The following MECR variants were observed in gnomAD, a reference collection of about 807,000 sequenced individuals.
MECR encodes enoyl-[acyl-carrier-protein] reductase, mitochondrial.
Under a neutral mutation model 49.1 loss-of-function variants are expected in MECR, and 37 were observed. The ratio of observed to expected loss-of-function variants is 0.75; its 90% CI spans 0.58 to 0.99. The LOEUF (loss-of-function observed/expected upper bound fraction) is 0.99. Among genes scored for constraint, MECR ranks in the 50% least tolerant of loss-of-function variants. The pLI, the probability that MECR is intolerant of heterozygous loss-of-function variation, is 0.00. For synonymous variants in MECR, 198 were observed against 191.1 expected (o/e 1.04, Z -0.30); for missense variants, 470 against 479.6 (o/e 0.98, Z 0.19).
chr1:29,177,296 T>TG, the MECR span, among the ~76,000 whole-genome samples: 1 of 151,838 alleles, frequency 6.6e-6, no homozygotes, highest in Non-Finnish European at 1.5e-5. Context: ...TTTTTTTTTT[T>TG]TTGAGACGAA....
chr1:29,230,484 G>A, intron 1 of MECR: 1 of 504,600 alleles, frequency 2.0e-6, no homozygotes, highest in Non-Finnish European at 3.5e-6. Flanking sequence ...TTTAAACAAG[G>A]GATTGCCTGA....
At chr1:29,178,164 T>G in the MECR span, among the ~76,000 whole-genome samples, 4 of 152,040 alleles carry the variant, frequency 2.6e-5, no homozygotes, top group South Asian at 4.1e-4. Context: ...CCTCCCAAGG[T>G]GATGGGATTA....
chr1:29,184,331 C>T, the MECR span, among the ~76,000 whole-genome samples: 1 of 151,834 alleles, frequency 6.6e-6, no homozygotes, highest in African/African-American at 2.4e-5. Flanking sequence ...TGTGCCACCA[C>T]GCCTGGCTAA....
intron 7 of MECR, 149 bp downstream of exon 7, chr1:29,200,367 C>G (rs1675017162): frequency 3.0e-6 from 2 of 660,270 alleles, no homozygotes; most frequent in Non-Finnish European, 4.9e-6. Context: ...GCCCAAATAG[C>G]TGGATGACTT....
intron 2 of MECR, 140 bp from the exon 3 acceptor site, chr1:29,216,276 C>T: frequency 9.3e-6 from 9 of 965,224 alleles, no homozygotes; most frequent in Non-Finnish European, 1.4e-5. Flanking sequence ...CCTTAGCTTG[C>T]TTGTCTGTAT....
intron 7 of MECR, among the ~76,000 whole-genome samples, chr1:29,198,944 CAG>C (rs1674659382): frequency 6.6e-6 from 1 of 151,810 alleles, no homozygotes; most frequent in East Asian, 2.0e-4. Context: ...AAGTATAAAA[CAG>C]AGGTTAGAAC....
At chr1:29,181,371 C>A in the MECR span, among the ~76,000 whole-genome samples, 1 of 152,148 alleles carries the variant, frequency 6.6e-6, no homozygotes, top group South Asian at 2.1e-4. Flanking sequence ...GCTGTGCCCC[C>A]CTGCCCGGAG....
At chr1:29,189,631 A>T (rs946270888), downstream of MECR, among the ~76,000 whole-genome samples, 3 of 151,952 alleles carry the variant, frequency 2.0e-5, no homozygotes, top group Non-Finnish European at 2.9e-5. Flanking sequence ...AATGTCGGCA[A>T]CCCCTGGTTG....
chr1:29,181,104 A>G, the MECR span, among the ~76,000 whole-genome samples: 2 of 152,094 alleles, frequency 1.3e-5, no homozygotes, highest in African/African-American at 4.8e-5. Context: ...TCACTAGACT[A>G]CTCAAACTGG....
the MECR span, among the ~76,000 whole-genome samples, chr1:29,178,927 T>C: frequency 6.6e-6 from 1 of 152,236 alleles, no homozygotes; most frequent in African/African-American, 2.4e-5. Flanking sequence ...GTGTGCTGTT[T>C]GGTGACTGTC....
downstream of MECR, among the ~76,000 whole-genome samples, chr1:29,190,387 A>T (rs1673096819): frequency 6.6e-6 from 1 of 151,988 alleles, no homozygotes; most frequent in Non-Finnish European, 1.5e-5. Flanking sequence ...AAAAAACCGT[A>T]GTCAAAGATG....
At chr1:29,216,883 C>T (rs1397289237) in intron 1 of MECR, 198 bp from the exon 2 acceptor site, 1 of 1,312,790 alleles carries the variant, frequency 7.6e-7, no homozygotes, top group East Asian at 2.8e-5. Flanking sequence ...GCCTGTAATC[C>T]CAGCACTTTG....
chr1:29,171,673 G>C, the MECR span: 1 of 151,974 alleles, frequency 6.6e-6, no homozygotes, highest in African/African-American at 2.4e-5. Context: ...CAGATGCCTG[G>C]AGCACCTTTC....
intron 7 of MECR, among the ~76,000 whole-genome samples, chr1:29,196,850 TA>T (rs928526376): frequency 4.0e-5 from 6 of 148,596 alleles, no homozygotes; most frequent in Non-Finnish European, 7.4e-5. Context: ...TAAATAATAA[TA>T]AAAAAAAATT....
chr1:29,220,277 T>TG (rs906825225), intron 1 of MECR, among the ~76,000 whole-genome samples: 1 of 150,644 alleles, frequency 6.6e-6, no homozygotes, highest in Non-Finnish European at 1.5e-5. Context: ...GGTGTGCTCC[T>TG]GTAGTTCCAG....
chr1:29,220,321 A>T (rs1198073219), intron 1 of MECR, among the ~76,000 whole-genome samples: 1 of 152,006 alleles, frequency 6.6e-6, no homozygotes, highest in Non-Finnish European at 1.5e-5. Flanking sequence ...GAACTGCTTG[A>T]ACCTGGGAGG....
the MECR span, among the ~76,000 whole-genome samples, chr1:29,185,478 C>T: frequency 6.6e-6 from 1 of 150,704 alleles, no homozygotes. Context: ...TGCAATGGCA[C>T]GATCCCCGCT....
At chr1:29,181,499 GCCC>G in the MECR span, 1 of 616,774 alleles carries the variant, frequency 1.6e-6, no homozygotes, top group South Asian at 2.5e-5. Context: ...GCCTACCCGC[GCCC>G]CCGAGGCGCC....
the MECR span, among the ~76,000 whole-genome samples, chr1:29,187,308 G>A: frequency 7.2e-5 from 11 of 152,146 alleles, no homozygotes; most frequent in Non-Finnish European, 1.2e-4. Context: ...CCGCCTCCGG[G>A]TTCAAGCGAT....
Sources: allele counts gnomAD v4.1 joint callset (sites outside exome capture counted in the v4.1 genomes callset), GRCh38; gene constraint gnomAD v4.1.1; transcripts MANE v1.5; gene names NCBI Gene and HGNC (gene_info 2026-07-23, HGNC 2026-07-21).